The following SNAPC4 variants were observed in gnomAD, a reference collection of about 807,000 sequenced individuals.
SNAPC4 encodes snRNA-activating protein complex subunit 4.
A neutral mutation model predicts 151.3 loss-of-function variants in SNAPC4; 127 were observed. That is an observed-to-expected ratio of 0.84 (90% confidence interval 0.73 to 0.97). The LOEUF (loss-of-function observed/expected upper bound fraction) is 0.97. SNAPC4 is among the 50% of genes least tolerant of loss of function. The probability of loss-of-function intolerance (pLI) is 0.00; values close to 1 mark genes in which losing one functional copy is unlikely to be tolerated. For synonymous variants in SNAPC4, 1,002 were observed against 824.4 expected (o/e 1.22, Z -3.69); for missense variants, 2,186 against 1,935.0 (o/e 1.13, Z -2.43).
chr9:136,390,534 G>C lies in SNAPC4; in HGVS notation c.975+1408C>G, dbSNP rs1392725345. 7.7e-5 allele frequency among the ~76,000 whole-genome samples: 9 copies of C among 116,618 alleles called. No homozygotes were observed. In the Admixed American group the frequency reaches 8.6e-4, roughly 11 times the overall value. 76.5% of individuals were successfully genotyped at this position (116,618 alleles called of 152,430 possible). On this transcript the variant is annotated intron_variant, in intron 10 of 23. Transcript: ENST00000684778. ...CGTGCCACTGCACTCCAGCCTGGGC[G>C]ACAGAGTGAGACTCTGTTTGAAAAA...
rs780525129 is a variant in SNAPC4 at position 136,395,736 on chromosome 9, T to G, written c.212A>C (p.Glu71Ala). 2 of 1,613,238 alleles carry G rather than the reference T, an allele frequency of 1.2e-6. No individual in the cohort carries two copies. Among genetic ancestry groups the G allele is most frequent in the South Asian group, 1.1e-5 (1 of 91,080 alleles). The change falls in exon 4 of 24, where the codon GAG becomes GCG. Residue 71 changes from glutamate to alanine, a missense_variant. Transcript: ENST00000684778. ...EERWGEASND[E>A]DDPKDKTLPE... ...GAGGGTTTTATCCTTGGGATCGTCC[T>G]CGTCATTGCTGGCTTCGCCCCACCT...
chr9:136,381,627 T>TAGGG (rs373248513), intron 18 of SNAPC4, among the ~76,000 whole-genome samples, 197 bp downstream of exon 18: 1 of 151,508 alleles, frequency 6.6e-6, no homozygotes, highest in Non-Finnish European at 1.5e-5. Flanking sequence ...AGTGGTGGGG[T>TAGGG]AGGGAGGGAG....
intron 23 of SNAPC4, among the ~76,000 whole-genome samples, chr9:136,376,033 C>T (rs934131575): frequency 1.7e-4 from 26 of 152,156 alleles, no homozygotes; most frequent in African/African-American, 4.8e-4. Context: ...AGCTGGGAGA[C>T]GACGCAGCAA....
chr9:136,390,383 G>A (rs1053269308), intron 10 of SNAPC4, among the ~76,000 whole-genome samples: 7 of 151,602 alleles, frequency 4.6e-5, no homozygotes, highest in East Asian at 1.9e-4. Flanking sequence ...GTGAAACCCC[G>A]TCTCTACTAA....
Position 136,384,771 on chromosome 9 carries a change from TCCA to T in SNAPC4, c.1366_1368del (p.Trp456del), listed in dbSNP as rs755163649. 1 of 1,597,086 alleles carries T rather than the reference TCCA, an allele frequency of 6.3e-7. No homozygotes were observed. The highest frequency in any genetic ancestry group is 8.6e-7 in the Non-Finnish European group (1 of 1,169,162). On this transcript the variant is annotated inframe_deletion, in exon 14 of 24. Transcript: ENST00000684778. ...ATTAACTGTTCCTCTTCTTTTAAAT[TCCA>T]CCGACCCTTTTTCAAGCTGAAATGT...
intron 3 of SNAPC4, among the ~76,000 whole-genome samples, chr9:136,396,137 C>T (rs959517073): frequency 4.6e-5 from 7 of 152,196 alleles, no homozygotes; most frequent in Admixed American, 6.5e-5. Context: ...CAGCAAAGCA[C>T]GGGGAGCAAG....
chr9:136,378,155 G>T lies in SNAPC4; in HGVS notation c.3672C>A (p.Ser1224=). The T allele has an allele frequency of 6.2e-7, 1 of 1,610,672 alleles. No homozygotes were observed. Among genetic ancestry groups the T allele is most frequent in the Non-Finnish European group, 8.5e-7 (1 of 1,179,362 alleles). The change falls in exon 22 of 24, where the codon TCC becomes TCA. Residue 1224 remains serine (S), a synonymous_variant. Transcript: ENST00000684778. ...PATEPRGTPG[S]PSGTQEPRGP... is the part of the protein sequence containing the mutation. ...CCCTGGGCTCCTGTGTCCCTGAGGG[G>T]GACCCCGGCGTCCCCCTTGGCTCAG... is the stretch of plus-strand genomic sequence containing the variant.
rs577262981 is a variant in SNAPC4 at position 136,380,640 on chromosome 9, G to A, written c.2499+100C>T. On this transcript the variant is annotated intron_variant, in intron 20 of 23. Transcript: ENST00000684778. ...TGCAGATGCCTCCCTGAGGGGCTGC[G>A]GTGGAGCGGGTGGGGCGGGCAGCCA... is the stretch of plus-strand genomic sequence containing the variant. 37 of 675,156 alleles carry A rather than the reference G, an allele frequency of 5.5e-5. No individual in the cohort carries two copies. In the Middle Eastern group the frequency reaches 1.0e-3, roughly 19 times the overall value. 41.8% of individuals were successfully genotyped at this position (675,156 alleles called of 1,614,324 possible).
At chr9:136,377,383 C>G (rs1833486917) in intron 22 of SNAPC4, among the ~76,000 whole-genome samples, 160 bp downstream of exon 22, 1 of 152,232 alleles carries the variant, frequency 6.6e-6, no homozygotes, top group African/African-American at 2.4e-5. Flanking sequence ...CTACACGCAA[C>G]TGGGCAGGCC....
chr9:136,395,460 C>G (rs1362005088), intron 4 of SNAPC4, 37 bp from the exon 5 acceptor site: 2 of 1,602,182 alleles, frequency 1.2e-6, no homozygotes, highest in African/African-American at 2.7e-5. Flanking sequence ...CTCTATGGAC[C>G]AGCAGCAATG....
At chr9:136,394,405 C>T (rs1044499609) in intron 6 of SNAPC4, 75 bp from the exon 7 acceptor site, 43 of 1,352,778 alleles carry the variant, frequency 3.2e-5, no homozygotes, top group Middle Eastern at 2.1e-4. Flanking sequence ...TTGGTGTGCA[C>T]TTCCCGAGGC....
chr9:136,385,840 C>G (rs1039266628), intron 13 of SNAPC4, among the ~76,000 whole-genome samples: 1 of 152,200 alleles, frequency 6.6e-6, no homozygotes, highest in Admixed American at 6.5e-5. Context: ...AGGCGTGAGC[C>G]ACCGAGCCCT....
rs1487144880 is a variant in SNAPC4 at position 136,383,939 on chromosome 9, A to C, written c.1500+14T>G. ...ATTGTCTGGTTTCAGATAAAGAAGG[A>C]GCGAGTGGCTCACCCCCATCATGAT... On this transcript the variant is annotated intron_variant, in intron 15 of 23. Transcript: ENST00000684778. The surrounding 1 kb of genome is among the most constrained non-coding windows in gnomAD (Gnocchi z 4.2). 6.2e-7 allele frequency: 1 copy of C among 1,610,072 alleles called. No individual in the cohort carries two copies. Among genetic ancestry groups the C allele is most frequent in the Admixed American group, 1.7e-5 (1 of 59,996 alleles).
Position 136,395,403 on chromosome 9 carries a change from C to T in SNAPC4, c.366G>A (p.Leu122=). The T allele has an allele frequency of 6.2e-7, 1 of 1,613,216 alleles. No homozygotes were observed. Among genetic ancestry groups the T allele is most frequent in the Non-Finnish European group, 8.5e-7 (1 of 1,179,854 alleles). The change falls in exon 5 of 24, where the codon CTG becomes CTA. Residue 122 remains leucine (L), a synonymous_variant. Transcript: ENST00000684778. ...TCACCTTGGTGCCTTTGGACCCAGC[C>T]AGATCCCTCATGAGTTCCTCCTGTG... ...REQQEELMRD[L]AGSKGTKVKD... is the part of the protein sequence containing the mutation.
At chr9:136,386,576 A>G (rs1246887173) in intron 13 of SNAPC4, among the ~76,000 whole-genome samples, 1 of 151,554 alleles carries the variant, frequency 6.6e-6, no homozygotes, top group African/African-American at 2.4e-5. Flanking sequence ...CTGGGATTAC[A>G]GGCATGTGCC....
Position 136,384,034 on chromosome 9 carries a change from T to C in SNAPC4, c.1421-2A>G, listed in dbSNP as rs562900566. The C allele has an allele frequency of 8.7e-6, 14 of 1,612,896 alleles. No individual in the cohort carries two copies. Among genetic ancestry groups the C allele is most frequent in the Non-Finnish European group, 1.2e-5 (14 of 1,179,362 alleles). On this transcript the variant is annotated splice_acceptor_variant, in intron 14 of 23. Transcript: ENST00000684778. LOFTEE classifies it high-confidence loss of function. Reference sequence around the variant, plus strand: ...CAGAAGCTATTTTTGCCCAGTGACCTGCAAAAGCCAAACCCCATGGAAATG... The same window carrying C: ...CAGAAGCTATTTTTGCCCAGTGACCCGCAAAAGCCAAACCCCATGGAAATG...
At chr9:136,392,630 G>A in intron 8 of SNAPC4, 36 bp from the exon 9 acceptor site, 6 of 1,613,498 alleles carry the variant, frequency 3.7e-6, no homozygotes, top group South Asian at 2.2e-5. Flanking sequence ...CACCACGCCT[G>A]GCTTGTGGGC....
chr9:136,385,983 T>G (rs909705825), intron 13 of SNAPC4, among the ~76,000 whole-genome samples: 2 of 152,202 alleles, frequency 1.3e-5, no homozygotes, highest in African/African-American at 4.8e-5. Flanking sequence ...CATTGTTGTA[T>G]CTGAGCTCCT....
In SNAPC4 at chr9:136,376,371, C is replaced by T. The variant is rs752686393; in HGVS notation, c.4395G>A (p.Arg1465=). 9 of 1,613,272 alleles carry T rather than the reference C, an allele frequency of 5.6e-6. No individual in the cohort carries two copies. The highest frequency in any genetic ancestry group is 7.6e-6 in the Non-Finnish European group (9 of 1,179,944). Residue 1465 remains arginine, a synonymous_variant, in exon 23 of 24, where the codon CGG becomes CGA. Coordinates refer to ENST00000684778, the MANE Select transcript of SNAPC4 (RefSeq NM_003086.4). ...RTRHARHTRK[R]RRLV ...CACCTGCTGCTCACACCAGCCGCCTCCGCTTCCGGGTGTGCCTGGCATGCC... is the reference window on the plus strand; with the variant it reads ...CACCTGCTGCTCACACCAGCCGCCTTCGCTTCCGGGTGTGCCTGGCATGCC...
Sources: gnomAD v4.1 joint callset for allele counts (sites outside exome capture counted in the v4.1 genomes callset) on GRCh38, gnomAD v4.1.1 for gene constraint, Gnocchi (gnomAD v3.1) non-coding constraint, MANE v1.5 for transcripts, NCBI Gene and HGNC (gene_info 2026-07-23, HGNC 2026-07-21) for gene names.